Variants in RYR3 observed in about 807,000 individuals in gnomAD.
RYR3 encodes brain ryanodine receptor-calcium release channel.
In RYR3, 207 loss-of-function variants were observed where a neutral mutation model predicts 584.3. The observed-to-expected ratio is 0.35, with a 90% CI of 0.32 to 0.40. The LOEUF (loss-of-function observed/expected upper bound fraction) is 0.40, where lower values mean the gene tolerates loss of function less well. Among genes scored for constraint, RYR3 ranks in the 10% least tolerant of loss-of-function variants. The probability of loss-of-function intolerance (pLI) is 1.00; values close to 1 mark genes in which losing one functional copy is unlikely to be tolerated. For missense variants in RYR3, 5,616 were observed against 6,089.2 expected (o/e 0.92, Z 2.59); for synonymous variants, 2,416 against 2,248.5 (o/e 1.07, Z -2.11).
chr15:33,640,460 C>T (rs546539060), intron 27 of RYR3, among the ~76,000 whole-genome samples: 20 of 152,304 alleles, frequency 1.3e-4, no homozygotes, highest in South Asian at 8.3e-4. Context: ...ATGGTCTGAG[C>T]GGTCATCTAC....
intron 31 of RYR3, among the ~76,000 whole-genome samples, chr15:33,651,949 C>A (rs1475152823): frequency 6.6e-6 from 1 of 152,168 alleles, no homozygotes; most frequent in African/African-American, 2.4e-5. Flanking sequence ...CTGCACATCT[C>A]CACAGCTCAC....
intron 57 of RYR3, among the ~76,000 whole-genome samples, chr15:33,752,744 C>T (rs1220029723): frequency 6.6e-6 from 1 of 152,142 alleles, no homozygotes; most frequent in Admixed American, 6.5e-5. Flanking sequence ...CCTGATTGCC[C>T]TGGCCAGAAC....
intron 102 of RYR3, among the ~76,000 whole-genome samples, chr15:33,862,549 G>A (rs1421457893): frequency 6.6e-6 from 1 of 152,214 alleles, no homozygotes; most frequent in Non-Finnish European, 1.5e-5. Context: ...CTTTGGAGAA[G>A]GCATTGTCAG....
At chr15:33,351,560 C>T (rs1973259752) in intron 1 of RYR3, among the ~76,000 whole-genome samples, 1 of 151,480 alleles carries the variant, frequency 6.6e-6, no homozygotes, top group African/African-American at 2.4e-5. Flanking sequence ...GCTTATCCAC[C>T]ATGATCAAGT....
chr15:33,644,941 G>T (rs1461790344), intron 28 of RYR3, among the ~76,000 whole-genome samples: 2 of 152,114 alleles, frequency 1.3e-5, no homozygotes. Context: ...GAGCTCGGGA[G>T]TTCGAGGCTG....
chr15:33,827,340 T>G, intron 85 of RYR3, 53 bp downstream of exon 85: 1 of 1,482,904 alleles, frequency 6.7e-7, no homozygotes, highest in South Asian at 1.2e-5. Context: ...TTCCAGAAGA[T>G]AAACACAGTT....
intron 1 of RYR3, among the ~76,000 whole-genome samples, chr15:33,458,964 T>C (rs1042298142): frequency 6.6e-6 from 1 of 152,246 alleles, no homozygotes; most frequent in Non-Finnish European, 1.5e-5. Context: ...TGTGATGTCA[T>C]GCCTGTATTA....
rs570514213 is a variant in RYR3, at chr15:33,581,557, A to G, written c.1487A>G (p.Asn496Ser). The G allele has an allele frequency of 3.7e-6, 6 of 1,613,520 alleles. No individual in the cohort carries two copies. The African/African-American group carries it at 4.0e-5, about 11-fold the overall frequency. The change falls in exon 14 of 104, where the codon AAT becomes AGT. Residue 496 changes from asparagine to serine, a missense_variant. Physicochemically the swap from Asn to Ser is conservative, Grantham distance 46 (BLOSUM62 1). Coordinates refer to ENST00000634891, the MANE Select transcript of RYR3 (RefSeq NM_001036.6). The stretch of plus-strand genomic sequence containing the variant: ...TGCATTGACCGCTTAAATGTCTACA[A>G]TAGCGTAGCACACTTTGCAGGGATT... ...LNCIDRLNVY[N>S]SVAHFAGIAR...
intron 70 of RYR3, chr15:33,807,865 T>C (rs1596708112): frequency 4.5e-6 from 2 of 440,860 alleles, no homozygotes; most frequent in East Asian, 3.9e-5. Context: ...CTAACAGAGA[T>C]AGGGATGACT....
intron 67 of RYR3, among the ~76,000 whole-genome samples, chr15:33,792,010 G>A (rs2075191404): frequency 6.6e-6 from 1 of 152,150 alleles, no homozygotes; most frequent in Non-Finnish European, 1.5e-5. Context: ...GCATACTGAG[G>A]CAAGTGGAAA....
At chr15:33,827,417 C>A in intron 85 of RYR3, 130 bp downstream of exon 85, 1 of 749,552 alleles carries the variant, frequency 1.3e-6, no homozygotes, top group Non-Finnish European at 2.2e-6. Context: ...AACGTGTATC[C>A]ACAGATGCAT....
chr15:33,769,039 A>C, intron 61 of RYR3, 73 bp from the exon 62 acceptor site: 1 of 1,120,382 alleles, frequency 8.9e-7, no homozygotes, highest in South Asian at 1.2e-5. Context: ...TGGCTTGTGC[A>C]TATGGAGAAG....
At chr15:33,594,464 T>C (rs2152538947) in intron 16 of RYR3, among the ~76,000 whole-genome samples, 1 of 152,350 alleles carries the variant, frequency 6.6e-6, no homozygotes, top group African/African-American at 2.4e-5. Context: ...TTAAAGGTTT[T>C]CTTAACTCTG....
Position 33,838,196 on chromosome 15 carries a change from T to C in RYR3, c.12216T>C (p.Val4072=). The C allele has an allele frequency of 6.2e-7, 1 of 1,614,018 alleles. No homozygotes were observed. Among genetic ancestry groups the C allele is most frequent in the Non-Finnish European group, 8.5e-7 (1 of 1,179,890 alleles). The change falls in exon 89 of 104, where the codon GTT becomes GTC. Residue 4072 remains valine, a synonymous_variant. Transcript: ENST00000634891. ...KESKRQFIFD[V]VNEGGEQEKM... is the part of the protein sequence containing the mutation. ...CTAAGCGACAGTTCATTTTTGATGT[T>C]GTCAATGAAGGTGGGGAGCAGGAAA... is the stretch of plus-strand genomic sequence containing the variant.
chr15:33,827,338 G>C, intron 85 of RYR3, 51 bp downstream of exon 85: 1 of 1,493,184 alleles, frequency 6.7e-7, no homozygotes, highest in Non-Finnish European at 9.1e-7. Flanking sequence ...GCTTCCAGAA[G>C]ATAAACACAG....
chr15:33,579,938 G>T (rs747724196), intron 12 of RYR3, 38 bp from the exon 13 acceptor site: 1 of 1,547,958 alleles, frequency 6.5e-7, no homozygotes, highest in Non-Finnish European at 8.8e-7. Context: ...CCCTGCTGCT[G>T]GCCAGTGCCT....
chr15:33,396,687 CTG>C (rs2042319375), intron 1 of RYR3, among the ~76,000 whole-genome samples: 1 of 152,186 alleles, frequency 6.6e-6, no homozygotes, highest in African/African-American at 2.4e-5. Context: ...GTGCTGAAGA[CTG>C]TGACAAACTG....
At chr15:33,560,227 A>G (rs913973033) in intron 10 of RYR3, among the ~76,000 whole-genome samples, 1 of 152,108 alleles carries the variant, frequency 6.6e-6, no homozygotes, top group Non-Finnish European at 1.5e-5. Context: ...CTGATTCATC[A>G]TTATTGTTTA....
chr15:33,527,978 TGGG>T (rs1345092788), intron 3 of RYR3, among the ~76,000 whole-genome samples: 1 of 152,056 alleles, frequency 6.6e-6, no homozygotes, highest in South Asian at 2.1e-4. Flanking sequence ...TTTGAACTAA[TGGG>T]GGAGTATGAG....
Sources: allele counts gnomAD v4.1 joint callset (sites outside exome capture counted in the v4.1 genomes callset), GRCh38; gene constraint gnomAD v4.1.1; transcripts MANE v1.5; gene names NCBI Gene and HGNC (gene_info 2026-07-23, HGNC 2026-07-21).